Variants in COL7A1 observed in about 807,000 individuals in gnomAD.
The protein encoded by COL7A1 is collagen type VII alpha 1 chain.
COL7A1 carries 296 observed loss-of-function variants against 456.2 expected under a neutral mutation model. The observed-to-expected ratio is 0.65, with a 90% CI of 0.59 to 0.71. The LOEUF (loss-of-function observed/expected upper bound fraction) is 0.71. Among genes scored for constraint, COL7A1 ranks in the 30% least tolerant of loss-of-function variants. COL7A1 has a pLI of 0.00. For synonymous variants in COL7A1, 1,464 were observed against 1,525.9 expected, an observed-to-expected ratio of 0.96 and a Z score of 0.95; for missense variants, 3,441 against 4,017.2, an observed-to-expected ratio of 0.86 and a Z score of 3.88.
rs761145315 is a variant in COL7A1 at position 48,587,761 on chromosome 3, G to A, written c.2857+32C>T. The A allele has an allele frequency of 1.2e-6, 2 of 1,613,278 alleles. No individual in the cohort carries two copies. Among genetic ancestry groups the A allele is most frequent in the South Asian group, 1.1e-5 (1 of 91,076 alleles). ...GGAAGTCAGGGTGGGTCATCAGCAG[G>A]GGAGGAGCACGCCAAGGTGAGGCAG... On this transcript the variant is annotated intron_variant, in intron 22 of 118. Transcript: ENST00000681320. This position sits in a 1 kb window ranked among gnomAD's most constrained non-coding sequence, Gnocchi z 6.1.
At position 48,576,404 on chromosome 3, in the gene COL7A1, TCCCC is replaced by T. The variant is rs747769277; in HGVS notation, c.5764_5767del (p.Gly1922SerfsTer82). 3 of 1,613,488 alleles carry T rather than the reference TCCCC, an allele frequency of 1.9e-6. No homozygotes were observed. Among genetic ancestry groups the T allele is most frequent in the Non-Finnish European group, 2.5e-6 (3 of 1,179,946 alleles). ...TGGAAAAGGTGGGGGCCTCACCTGC[TCCCC>T]TTTGGATCCAGTCTCCCCACGGTCA... On this transcript the variant is annotated frameshift_variant, in exon 70 of 119. Coordinates refer to ENST00000681320, the MANE Select transcript of COL7A1 (RefSeq NM_000094.4). LOFTEE classifies it high-confidence loss of function.
In COL7A1 at chr3:48,575,923, A is replaced by G. The variant is rs1419953205; in HGVS notation, c.5821-21T>C. The G allele has an allele frequency of 1.2e-6, 2 of 1,614,010 alleles. No individual in the cohort carries two copies. The highest frequency in any genetic ancestry group is 1.3e-5 in the African/African-American group (1 of 74,950). ...ACATTCTGGGGACAAAGTCTGGGTG[A>G]AGGGCTGCCCATGACAGAGAAGCTC... On this transcript the variant is annotated intron_variant, in intron 71 of 118. Transcript: ENST00000681320. This position sits in a 1 kb window ranked among gnomAD's most constrained non-coding sequence, Gnocchi z 6.3.
At position 48,581,777 on chromosome 3, in the gene COL7A1, C is replaced by T; in HGVS notation, c.4669-18G>A. The stretch of plus-strand genomic sequence containing the variant: ...ACATCTCCCTGGAGGTGACAAAGAC[C>T]ATCAGTGCTAGTCCCAGGCTCCAGT... On this transcript the variant is annotated intron_variant, in intron 48 of 118. Transcript: ENST00000681320. This position sits in a 1 kb window ranked among gnomAD's most constrained non-coding sequence, Gnocchi z 5.8. 1 of 1,614,014 alleles carries T rather than the reference C, an allele frequency of 6.2e-7. No individual in the cohort carries two copies. The highest frequency in any genetic ancestry group is 1.1e-5 in the South Asian group (1 of 91,084).
At position 48,590,530 on chromosome 3, in the gene COL7A1, G is replaced by A. The variant is rs752967088; in HGVS notation, c.1835C>T (p.Thr612Met). The A allele has an allele frequency of 1.1e-5, 18 of 1,613,998 alleles. 1 individual carries two copies. Among genetic ancestry groups the A allele is most frequent in the Middle Eastern group, 1.6e-4 (1 of 6,084 alleles). Residue 612 changes from threonine to methionine, a missense_variant, in exon 15 of 119, where the codon ACG becomes ATG. Transcript: ENST00000681320. The surrounding 1 kb of genome is among the most constrained non-coding windows in gnomAD (Gnocchi z 4.6). ...GGGTCCCCAGGCCACCCTCACTCGC[G>A]TTGCATCTGACACCACAACCCGCAG... is the stretch of plus-strand genomic sequence containing the variant. The part of the protein sequence containing the change: ...PGLRVVVSDA[T>M]RVRVAWGPVP...
At position 48,568,048 on chromosome 3, in the gene COL7A1, G is replaced by A. The variant is rs146930322; in HGVS notation, c.7875+42C>T. On this transcript the variant is annotated intron_variant, in intron 106 of 118. Coordinates refer to ENST00000681320, the MANE Select transcript of COL7A1 (RefSeq NM_000094.4). The surrounding 1 kb of genome is among the most constrained non-coding windows in gnomAD (Gnocchi z 5.2). The stretch of plus-strand genomic sequence containing the variant: ...CAGGTCCCTCGCCCTTCAACATTAG[G>A]CCTTCCTGACCAGAAAAAAACCAAT... The A allele has an allele frequency of 1.2e-5, 19 of 1,612,250 alleles. No homozygotes were observed. The African/African-American group carries it at 2.4e-4, about 20-fold the overall frequency.
In COL7A1 at chr3:48,567,222, G is replaced by A; in HGVS notation, c.8047-32C>T. 1 of 1,612,518 alleles carries A rather than the reference G, an allele frequency of 6.2e-7. No homozygotes were observed. The highest frequency in any genetic ancestry group is 8.5e-7 in the Non-Finnish European group (1 of 1,179,516). ...ACAGAAGAAGCATGAGAGACCTTCT[G>A]CCCTGACCTCCCTCAGCTCTGGAAC... On this transcript the variant is annotated intron_variant, in intron 109 of 118. Transcript: ENST00000681320. The surrounding 1 kb of genome is among the most constrained non-coding windows in gnomAD (Gnocchi z 4.3).
rs775270402 is a variant in COL7A1 at position 48,574,880 on chromosome 3, T to G, written c.6280-15A>C. ...TCCACAGACACCTACAAACACAAGGTCACAGGGGAGAGATGTCTCTGTCAT... is the reference window on the plus strand; with the variant it reads ...TCCACAGACACCTACAAACACAAGGGCACAGGGGAGAGATGTCTCTGTCAT... On this transcript the variant is annotated splice_polypyrimidine_tract_variant and intron_variant, in intron 76 of 118. Transcript: ENST00000681320. The surrounding 1 kb of genome is among the most constrained non-coding windows in gnomAD (Gnocchi z 5.0). 2.6e-5 allele frequency: 42 copies of G among 1,613,234 alleles called. No homozygotes were observed. The highest frequency in any genetic ancestry group is 1.6e-4 in the Middle Eastern group (1 of 6,084).
rs754689393 is a variant in COL7A1 at position 48,567,817 on chromosome 3, C to A, written c.7929+21G>T. On this transcript the variant is annotated intron_variant, in intron 107 of 118. Transcript: ENST00000681320. This position sits in a 1 kb window ranked among gnomAD's most constrained non-coding sequence, Gnocchi z 4.3. ...TTAGGCCCCAGGCCACGTAGCCCCC[C>A]AGCCCCCATCCCCTCTGTACCTTGT... 6.2e-7 allele frequency: 1 copy of A among 1,614,168 alleles called. No individual in the cohort carries two copies. Among genetic ancestry groups the A allele is most frequent in the East Asian group, 2.2e-5 (1 of 44,884 alleles).
chr3:48,590,871 G>C lies in COL7A1; in HGVS notation c.1637-55C>G. The C allele has an allele frequency of 6.3e-7, 1 of 1,582,808 alleles. No individual in the cohort carries two copies. The highest frequency in any genetic ancestry group is 8.6e-7 in the Non-Finnish European group (1 of 1,163,280). The stretch of plus-strand genomic sequence containing the variant: ...GGGTCAGAAAGAGACAGGGATGTGG[G>C]ACGATGGCAGTGATGGACAGGGACG... On this transcript the variant is annotated intron_variant, in intron 13 of 118. Coordinates refer to ENST00000681320, the MANE Select transcript of COL7A1 (RefSeq NM_000094.4). This position sits in a 1 kb window ranked among gnomAD's most constrained non-coding sequence, Gnocchi z 4.6.
rs1188684507 is a variant in COL7A1, at chr3:48,575,374, CA to C, written c.6144del (p.Gly2050ValfsTer156). The part of the protein sequence containing the change: ...KPGIPGLPGR[A>X]GGVGEAGRPG... Reference sequence around the variant, plus strand: ...GGCCTTCCTGCCTCTCCCACACCCCCAGCCCTGCCTGGGAGCCCGGGAATAC... The same window carrying C: ...GGCCTTCCTGCCTCTCCCACACCCCCGCCCTGCCTGGGAGCCCGGGAATAC... On this transcript the variant is annotated frameshift_variant, in exon 74 of 119. Coordinates refer to ENST00000681320, the MANE Select transcript of COL7A1 (RefSeq NM_000094.4). LOFTEE classifies it high-confidence loss of function. The surrounding 1 kb of genome is among the most constrained non-coding windows in gnomAD (Gnocchi z 6.3). 1 of 1,612,152 alleles carries C rather than the reference CA, an allele frequency of 6.2e-7. No homozygotes were observed. The highest frequency in any genetic ancestry group is 8.5e-7 in the Non-Finnish European group (1 of 1,179,324).
chr3:48,567,067 A>T lies in COL7A1; in HGVS notation c.8110-44T>A, dbSNP rs1187613609. ...GAGTCAGTAATCAGAGGCCCCAGAG[A>T]TGGACCCTCTCCCAAAGTGCACGCT... On this transcript the variant is annotated intron_variant, in intron 110 of 118. Transcript: ENST00000681320. The surrounding 1 kb of genome is among the most constrained non-coding windows in gnomAD (Gnocchi z 4.3). 2.5e-6 allele frequency: 4 copies of T among 1,611,814 alleles called. No homozygotes were observed. The highest frequency in any genetic ancestry group is 3.4e-6 in the Non-Finnish European group (4 of 1,178,312).
chr3:48,586,105 G>A lies in COL7A1; in HGVS notation c.3692C>T (p.Thr1231Ile), dbSNP rs1560249288. 1.2e-6 allele frequency: 2 copies of A among 1,613,556 alleles called. No homozygotes were observed. Among genetic ancestry groups the A allele is most frequent in the East Asian group, 2.2e-5 (1 of 44,886 alleles). Residue 1231 changes from threonine to isoleucine, a missense_variant, in exon 28 of 119, where the codon ACA (threonine) becomes ATA (isoleucine). By Grantham distance (89) the Thr-to-Ile change is moderately conservative (BLOSUM62 -1). This residue lies in a region of COL7A1 where 2,084 missense variants were observed against 2,501.3 expected (regional missense o/e 0.83). Coordinates refer to ENST00000681320, the MANE Select transcript of COL7A1 (RefSeq NM_000094.4). The surrounding 1 kb of genome is among the most constrained non-coding windows in gnomAD (Gnocchi z 5.1). ...SLDQAVSGLA[T>I]ALCQASFTTQ... Reference sequence around the variant, plus strand: ...AGTGAAGGATGCCTGACACAGGGCTGTGGCCAGACCACTGACTGCCTGGTC... The same window carrying A: ...AGTGAAGGATGCCTGACACAGGGCTATGGCCAGACCACTGACTGCCTGGTC...
chr3:48,593,810 T>A lies in COL7A1; in HGVS notation c.267-114A>T, dbSNP rs1156325912. 3.9e-6 allele frequency: 5 copies of A among 1,296,872 alleles called. No homozygotes were observed. The highest frequency in any genetic ancestry group is 5.6e-6 in the Non-Finnish European group (5 of 899,444). 80.3% of individuals were successfully genotyped at this position (1,296,872 alleles called of 1,614,324 possible). A position where few individuals can be genotyped will look rare whatever the true frequency, so the allele number is the denominator to read the frequency against. Reference sequence around the variant, plus strand: ...GTATCAGGCTCTCTTGAGGGGTCCCTTCGTTCTGTCATTCTCCACACCCAC... The same window carrying A: ...GTATCAGGCTCTCTTGAGGGGTCCCATCGTTCTGTCATTCTCCACACCCAC... On this transcript the variant is annotated intron_variant, in intron 3 of 118. Coordinates refer to ENST00000681320, the MANE Select transcript of COL7A1 (RefSeq NM_000094.4). This position sits in a 1 kb window ranked among gnomAD's most constrained non-coding sequence, Gnocchi z 4.4.
intron 69 of COL7A1, 33 bp from the exon 70 acceptor site, chr3:48,576,468 C>T (rs1262701158): frequency 6.2e-7 from 1 of 1,612,844 alleles, no homozygotes; most frequent in African/African-American, 1.3e-5. Flanking sequence ...GGGGAAATGG[C>T]CCCCAGCCTG....
rs2043564759 is a variant in COL7A1 at position 48,565,507 on chromosome 3, G to A, written c.8441-11C>T. 6.2e-7 allele frequency: 1 copy of A among 1,613,762 alleles called. No homozygotes were observed. Among genetic ancestry groups the A allele is most frequent in the Non-Finnish European group, 8.5e-7 (1 of 1,179,802 alleles). ...AACTAGGGAGGGGTCCTGGAGCCAA[G>A]AGCAGGGGCCTCAGGGCCCTGAAGT... On this transcript the variant is annotated splice_polypyrimidine_tract_variant and intron_variant, in intron 115 of 118. Transcript: ENST00000681320. This position sits in a 1 kb window ranked among gnomAD's most constrained non-coding sequence, Gnocchi z 4.5.
Position 48,572,156 on chromosome 3 carries a change from G to C in COL7A1, c.6994C>G (p.Arg2332Gly). The C allele has an allele frequency of 6.2e-7, 1 of 1,614,026 alleles. No homozygotes were observed. Among genetic ancestry groups the C allele is most frequent in the Non-Finnish European group, 8.5e-7 (1 of 1,180,012 alleles). The change falls in exon 91 of 119, where the codon CGA becomes GGA. Residue 2332 changes from arginine to glycine, a missense_variant. Arg to Gly is a moderately radical substitution (Grantham distance 125, BLOSUM62 -2). Around this residue, in one of 3 missense-constraint regions of COL7A1, gnomAD observed 2,084 missense variants for 2,501.3 expected, o/e 0.83. Transcript: ENST00000681320. The surrounding 1 kb of genome is among the most constrained non-coding windows in gnomAD (Gnocchi z 4.6). ...LVGEPGAKGD[R>G]GLPGPRGEKG... ...TCGCCTCGCGGCCCTGGCAGTCCTC[G>C]GTCACCTTTGGCTCCCTGTTGACAG... is the stretch of plus-strand genomic sequence containing the variant.
chr3:48,571,265 G>T lies in COL7A1; in HGVS notation c.7082C>A (p.Ala2361Asp). 6.2e-7 allele frequency: 1 copy of T among 1,614,192 alleles called. No individual in the cohort carries two copies. Among genetic ancestry groups the T allele is most frequent in the Non-Finnish European group, 8.5e-7 (1 of 1,180,034 alleles). The change falls in exon 93 of 119, where the codon GCT becomes GAT. Residue 2361 changes from alanine (A) to aspartate (D), a missense_variant. Ala to Asp is a moderately radical substitution (Grantham distance 126). Around this residue, in one of 3 missense-constraint regions of COL7A1, gnomAD observed 2,084 missense variants for 2,501.3 expected, o/e 0.83. Transcript: ENST00000681320. The surrounding 1 kb of genome is among the most constrained non-coding windows in gnomAD (Gnocchi z 4.6). ...TACCTTGAAACCTTTGGGTCCTGGA[G>T]CCCCTTTCTGACCCTAAGAAAACCC... ...GDPGEDGQKG[A>D]PGPKGFKGDP...
At position 48,574,096 on chromosome 3, in the gene COL7A1, C is replaced by A. The variant is rs918499343; in HGVS notation, c.6501+166G>T. ...ATACAACCACACACAGACACAGGCA[C>A]ACACAGGCACACACAGACACAGGCA... On this transcript the variant is annotated intron_variant, in intron 80 of 118. Transcript: ENST00000681320. This position sits in a 1 kb window ranked among gnomAD's most constrained non-coding sequence, Gnocchi z 5.0. 6.6e-6 allele frequency among the ~76,000 whole-genome samples: 1 copy of A among 151,796 alleles called. No individual in the cohort carries two copies. The highest frequency in any genetic ancestry group is 1.5e-5 in the Non-Finnish European group (1 of 67,968).
Position 48,586,544 on chromosome 3 carries a change from T to C in COL7A1, c.3403+19A>G, listed in dbSNP as rs369164827. ...CCCAGTGGATAGCCCCAGGAGTCCA[T>C]GCCTGCTGCAGTCCTCACCCAGGTT... On this transcript the variant is annotated intron_variant, in intron 26 of 118. Transcript: ENST00000681320. The surrounding 1 kb of genome is among the most constrained non-coding windows in gnomAD (Gnocchi z 5.1). 15 of 1,613,656 alleles carry C rather than the reference T, an allele frequency of 9.3e-6. No individual in the cohort carries two copies. The highest frequency in any genetic ancestry group is 6.7e-5 in the African/African-American group (5 of 74,938).
Sources: gnomAD v4.1 joint callset for allele counts (sites outside exome capture counted in the v4.1 genomes callset) on GRCh38, gnomAD v4.1.1 for gene constraint, gnomAD v4.1.1 regional missense constraint, Gnocchi (gnomAD v3.1) non-coding constraint, MANE v1.5 for transcripts, NCBI Gene and HGNC (gene_info 2026-07-23, HGNC 2026-07-21) for gene names.